SLC15A5: variants seen among roughly 807,000 people sequenced by gnomAD.
The protein encoded by SLC15A5 is Peptide/histidine transporter ENSP00000340402.
A neutral mutation model predicts 56.1 loss-of-function variants in SLC15A5; 58 were observed. The observed-to-expected ratio is 1.03, with a 90% CI of 0.84 to 1.29. SLC15A5 has a LOEUF of 1.29. Ranked by LOEUF, SLC15A5 falls within the 50% of genes most tolerant of loss-of-function variation. The pLI is 0.00. For missense variants in SLC15A5, 681 were observed against 672.1 expected, an observed-to-expected ratio of 1.01 and a Z score of -0.15; for synonymous variants, 264 against 250.5, an observed-to-expected ratio of 1.05 and a Z score of -0.51.
At chr12:16,272,928 G>GCTATCCCT in intron 1 of SLC15A5, 145 bp from the exon 2 acceptor site, 1 of 741,854 alleles carries the variant, frequency 1.3e-6, no homozygotes, top group Non-Finnish European at 2.2e-6. Context: ...GCAATTTCAG[G>GCTATCCCT]GATAGCCTGA....
intron 7 of SLC15A5, among the ~76,000 whole-genome samples, chr12:16,216,285 CTGT>C (rs1378029769): frequency 6.6e-6 from 1 of 152,156 alleles, no homozygotes. Flanking sequence ...TCCTGTCTGG[CTGT>C]TGTTTTTACC....
intron 3 of SLC15A5, among the ~76,000 whole-genome samples, chr12:16,252,776 C>T (rs1182571760): frequency 2.0e-5 from 3 of 151,956 alleles, no homozygotes; most frequent in Admixed American, 1.3e-4. Context: ...ATCTCAATAG[C>T]ATTTTTGCAG....
chr12:16,232,604 G>C (rs7313087), intron 5 of SLC15A5, among the ~76,000 whole-genome samples: 26,142 of 152,136 alleles, frequency 0.17, 2,525 homozygotes, highest in Middle Eastern at 0.22. Flanking sequence ...TGTAACACAA[G>C]GATAAGCATC....
chr12:16,193,786 A>C (rs904754684), intron 8 of SLC15A5, among the ~76,000 whole-genome samples: 1,243 of 10,792 alleles, frequency 0.12, 192 homozygotes, highest in Non-Finnish European at 0.16. Context: ...AAGGGGAGAG[A>C]GAGAGAGAGA....
rs1339038678 is a variant in SLC15A5 at position 16,269,427 on chromosome 12, ATTTGTACT to A, written c.584+3126_584+3133del. 6.6e-6 allele frequency among the ~76,000 whole-genome samples: 1 copy of A among 152,198 alleles called. No homozygotes were observed. Among genetic ancestry groups the A allele is most frequent in the Non-Finnish European group, 1.5e-5 (1 of 68,034 alleles). On this transcript the variant is annotated intron_variant, in intron 2 of 8. Coordinates refer to ENST00000344941, the MANE Select transcript of SLC15A5 (RefSeq NM_001170798.1). This position sits in a 1 kb window ranked among gnomAD's most constrained non-coding sequence, Gnocchi z 4.7. ...GAATCTTTGGTGGCAGGACCCAGGC[ATTTGTACT>A]TTTTAAAAAAGAATCCTCAGGTGGC...
chr12:16,202,259 C>T (rs373532988), intron 7 of SLC15A5, among the ~76,000 whole-genome samples: 1 of 152,038 alleles, frequency 6.6e-6, no homozygotes, highest in Admixed American at 6.6e-5. Context: ...TAAGAAAAAA[C>T]CCAAATAGCT....
chr12:16,230,165 A>G (rs913817684), intron 5 of SLC15A5, among the ~76,000 whole-genome samples: 2 of 152,240 alleles, frequency 1.3e-5, no homozygotes, highest in Admixed American at 1.3e-4. Flanking sequence ...AGAAATGTAT[A>G]GAATGTTTAG....
At position 16,271,658 on chromosome 12, in the gene SLC15A5, C is replaced by T. The variant is rs1016017869; in HGVS notation, c.584+903G>A. Among the ~76,000 whole-genome samples, 15 of 152,250 alleles carry T rather than the reference C, an allele frequency of 9.9e-5. No individual in the cohort carries two copies. The highest frequency in any genetic ancestry group is 3.6e-4 in the African/African-American group (15 of 41,554). ...ATGCCTATACATACACATATAGACACTATTTACTCTAAAAATGGACAATGT... is the reference window on the plus strand; with the variant it reads ...ATGCCTATACATACACATATAGACATTATTTACTCTAAAAATGGACAATGT... On this transcript the variant is annotated intron_variant, in intron 2 of 8. Transcript: ENST00000344941. This position sits in a 1 kb window ranked among gnomAD's most constrained non-coding sequence, Gnocchi z 8.0.
At chr12:16,251,879 T>C (rs1255436065) in intron 3 of SLC15A5, among the ~76,000 whole-genome samples, 2 of 151,966 alleles carry the variant, frequency 1.3e-5, no homozygotes, top group South Asian at 2.1e-4. Context: ...TACAGATCAA[T>C]AGTTCTGATG....
chr12:16,268,228 A>C lies in SLC15A5; in HGVS notation c.584+4333T>G, dbSNP rs563015281. On this transcript the variant is annotated intron_variant, in intron 2 of 8. Transcript: ENST00000344941. ...CCCATCTCTACTAAAATGCAAAAAA[A>C]TTAGCTGGCGTGGTGGTATGAACCT... is the stretch of plus-strand genomic sequence containing the variant. Among the ~76,000 whole-genome samples, 4 of 116,318 alleles carry C rather than the reference A, an allele frequency of 3.4e-5. 1 individual carries two copies. Among genetic ancestry groups the C allele is most frequent in the African/African-American group, 1.0e-4 (3 of 29,926 alleles). The allele number at this position is 116,318 out of a possible 152,430, so 76.3% of individuals were successfully genotyped here. A position where few individuals can be genotyped will look rare whatever the true frequency, so the allele number is the denominator to read the frequency against.
At chr12:16,240,583 G>A (rs1038808513) in intron 4 of SLC15A5, among the ~76,000 whole-genome samples, 4 of 152,000 alleles carry the variant, frequency 2.6e-5, no homozygotes, top group African/African-American at 9.7e-5. Context: ...AAAAAACCCT[G>A]TGCTCCACCC....
rs1274892481 is a variant in SLC15A5 at position 16,271,598 on chromosome 12, A to AG, written c.584+962_584+963insC. Among the ~76,000 whole-genome samples, 496 of 20,722 alleles carry AG rather than the reference A, an allele frequency of 0.024. 4 individuals carry two copies. Among genetic ancestry groups the AG allele is most frequent in the African/African-American group, 0.061 (466 of 7,614 alleles). 13.6% of individuals were successfully genotyped at this position (20,722 alleles called of 152,430 possible). Reference sequence around the variant, plus strand: ...GGGAGCAAGAGAAAGAAAAAGAAAGAAAGAGAAAAGAGGAACTGCCTCGGA... The same window carrying AG: ...GGGAGCAAGAGAAAGAAAAAGAAAGAGAAGAGAAAAGAGGAACTGCCTCGGA... On this transcript the variant is annotated intron_variant, in intron 2 of 8. Coordinates refer to ENST00000344941, the MANE Select transcript of SLC15A5 (RefSeq NM_001170798.1). The surrounding 1 kb of genome is among the most constrained non-coding windows in gnomAD (Gnocchi z 8.0).
chr12:16,250,422 G>T (rs778356316), intron 3 of SLC15A5, among the ~76,000 whole-genome samples: 1 of 151,966 alleles, frequency 6.6e-6, no homozygotes, highest in Non-Finnish European at 1.5e-5. Context: ...AATAACATTG[G>T]TGAATGCGCT....
rs1864443768 is a variant in SLC15A5 at position 16,244,609 on chromosome 12, G to C, written c.946C>G (p.Gln316Glu). The stretch of plus-strand genomic sequence containing the variant: ...ATAATGCACATTCTGTATAGGAGCT[G>C]AAAAATGAAGAGAGGGAGAAGGGTG... ...FLTLLPLFIF[Q>E]LLYRMCIMQI... Residue 316 changes from glutamine (Q) to glutamate (E), a missense_variant, in exon 4 of 9, where the codon CAG becomes GAG. Gln to Glu is a conservative substitution (Grantham distance 29). Transcript: ENST00000344941. 2 of 1,537,668 alleles carry C rather than the reference G, an allele frequency of 1.3e-6. No individual in the cohort carries two copies. The highest frequency in any genetic ancestry group is 2.4e-5 in the South Asian group (2 of 84,054).
Position 16,277,594 on chromosome 12 carries a change from A to C in SLC15A5, c.92T>G (p.Leu31Trp), listed in dbSNP as rs1565678306. The change falls in exon 1 of 9, where the codon TTG (leucine) becomes TGG (tryptophan). Residue 31 changes from leucine (L) to tryptophan (W), a missense_variant. Transcript: ENST00000344941. ...KEKTVRHIGD[L>W]CSSHSVKKIQ... ...TTTTTTCACAGAGTGTGAGGAACAC[A>C]AATCGCCAATATGTCTTACAGTTTT... The C allele has an allele frequency of 6.5e-7, 1 of 1,536,524 alleles. No homozygotes were observed. Among genetic ancestry groups the C allele is most frequent in the Non-Finnish European group, 8.7e-7 (1 of 1,146,400 alleles).
intron 8 of SLC15A5, among the ~76,000 whole-genome samples, chr12:16,190,271 T>C (rs1421579991): frequency 6.6e-6 from 1 of 152,168 alleles, no homozygotes; most frequent in Non-Finnish European, 1.5e-5. Flanking sequence ...AACCTGCCTT[T>C]CCAGTGTCTT....
At chr12:16,193,785 G>A (rs1043296179) in intron 8 of SLC15A5, among the ~76,000 whole-genome samples, 1 of 9,162 alleles carries the variant, frequency 1.1e-4, no homozygotes, top group African/African-American at 5.4e-4. Flanking sequence ...CAAGGGGAGA[G>A]AGAGAGAGAG....
chr12:16,215,243 A>G (rs1267982689), intron 7 of SLC15A5, among the ~76,000 whole-genome samples: 2 of 145,298 alleles, frequency 1.4e-5, no homozygotes, highest in African/African-American at 2.5e-5. Context: ...AAGTGAGGAT[A>G]GTCTTGGGGA....
At chr12:16,263,363 G>A (rs1374737463) in intron 2 of SLC15A5, among the ~76,000 whole-genome samples, 1 of 152,094 alleles carries the variant, frequency 6.6e-6, no homozygotes, top group Non-Finnish European at 1.5e-5. Flanking sequence ...AGGGCATCTG[G>A]CAGAAAAAAT....
Sources: allele counts gnomAD v4.1 joint callset (sites outside exome capture counted in the v4.1 genomes callset), GRCh38; gene constraint gnomAD v4.1.1; non-coding constraint Gnocchi (gnomAD v3.1); transcripts MANE v1.5; gene names NCBI Gene and HGNC (gene_info 2026-07-23, HGNC 2026-07-21).